PPP4R3B: variants seen among roughly 807,000 people sequenced by gnomAD.
PPP4R3B encodes protein phosphatase 4 regulatory subunit 3B, also known as serine/threonine-protein phosphatase 4 regulatory subunit 3B.
A neutral mutation model predicts 95.4 loss-of-function variants in PPP4R3B; 52 were observed. The ratio of observed to expected loss-of-function variants is 0.54; its 90% CI spans 0.44 to 0.69. The LOEUF is 0.69. PPP4R3B is among the 30% of genes least tolerant of loss of function. The probability of loss-of-function intolerance (pLI) is 0.00; values close to 1 mark genes in which losing one functional copy is unlikely to be tolerated. For missense variants in PPP4R3B, 1,003 were observed against 1,005.9 expected (o/e 1.00, Z 0.04); for synonymous variants, 407 against 343.9 (o/e 1.18, Z -2.03).
chr2:55,551,651 T>C (rs1685259534), intron 16 of PPP4R3B, among the ~76,000 whole-genome samples: 1 of 151,790 alleles, frequency 6.6e-6, no homozygotes, highest in Non-Finnish European at 1.5e-5. Flanking sequence ...CTTCAGAGGC[T>C]GAGGCAGGAG....
intron 5 of PPP4R3B, among the ~76,000 whole-genome samples, chr2:55,588,323 G>A (rs1244019998): frequency 2.0e-5 from 3 of 152,226 alleles, no homozygotes; most frequent in Non-Finnish European, 4.4e-5. Flanking sequence ...AGACCAGCCT[G>A]ACCAACATGG....
chr2:55,617,561 C>T lies in PPP4R3B; in HGVS notation c.-276G>A, dbSNP rs1210360848. 9 of 364,412 alleles carry T rather than the reference C, an allele frequency of 2.5e-5. No individual in the cohort carries two copies. The highest frequency in any genetic ancestry group is 8.7e-5 in the Admixed American group (2 of 23,086). The allele number at this position is 364,412 out of a possible 1,614,324, so 22.6% of individuals were successfully genotyped here. On this transcript the variant is annotated 5_prime_UTR_variant, in exon 1 of 17. Transcript: ENST00000616407. ...CCCCCAGGGCTCGCTTGCTCTCCCG[C>T]CGCCGCGGTAACTACTACAGATCCG...
intron 11 of PPP4R3B, among the ~76,000 whole-genome samples, chr2:55,576,864 C>T (rs1281536150): frequency 6.6e-6 from 1 of 152,126 alleles, no homozygotes; most frequent in African/African-American, 2.4e-5. Flanking sequence ...ATGAGGCTGG[C>T]AGAAAAGGTA....
At position 55,573,703 on chromosome 2, in the gene PPP4R3B, G is replaced by A. The variant is rs780436419; in HGVS notation, c.1681C>T (p.His561Tyr). ...LTFCVEHHTY[H>Y]IKNYIMNKDL... Reference sequence around the variant, plus strand: ...TTGTTCATAATATAGTTTTTTATGTGATATGTGTGATGTTCCACACAAAAT... The same window carrying A: ...TTGTTCATAATATAGTTTTTTATGTAATATGTGTGATGTTCCACACAAAAT... Residue 561 changes from histidine to tyrosine, a missense_variant, in exon 12 of 17, where the codon CAC becomes TAC. Around this residue, in one of 3 missense-constraint regions of PPP4R3B, gnomAD observed 695 missense variants for 686.2 expected, o/e 1.01. Transcript: ENST00000616407. 2.2e-4 allele frequency: 345 copies of A among 1,546,184 alleles called. No homozygotes were observed. Among genetic ancestry groups the A allele is most frequent in the Non-Finnish European group, 2.9e-4 (336 of 1,145,256 alleles).
chr2:55,583,596 G>A (rs1398420867), intron 7 of PPP4R3B, among the ~76,000 whole-genome samples: 3 of 152,136 alleles, frequency 2.0e-5, no homozygotes, highest in Non-Finnish European at 2.9e-5. Flanking sequence ...TGAAGATGGA[G>A]CAATGGGAGT....
intron 3 of PPP4R3B, among the ~76,000 whole-genome samples, chr2:55,599,263 C>T (rs1692225235): frequency 6.6e-6 from 1 of 151,800 alleles, no homozygotes; most frequent in African/African-American, 2.4e-5. Context: ...CATGGTGAAA[C>T]CCCAACTCCA....
At chr2:55,557,880 T>TA (rs1456552786) in intron 16 of PPP4R3B, among the ~76,000 whole-genome samples, 1 of 152,036 alleles carries the variant, frequency 6.6e-6, no homozygotes, top group Non-Finnish European at 1.5e-5. Context: ...AACTTGTTTA[T>TA]AAAAAAAGTA....
intron 8 of PPP4R3B, among the ~76,000 whole-genome samples, chr2:55,580,956 A>G (rs1272049302): frequency 6.6e-6 from 1 of 152,282 alleles, no homozygotes; most frequent in South Asian, 2.1e-4. Context: ...AAAACTTGCT[A>G]TTTAAAAATG....
At chr2:55,609,330 A>G (rs959444087) in intron 2 of PPP4R3B, among the ~76,000 whole-genome samples, 1 of 152,132 alleles carries the variant, frequency 6.6e-6, no homozygotes, top group Non-Finnish European at 1.5e-5. Flanking sequence ...TGATTCTTAA[A>G]TTAGAATCTC....
At chr2:55,614,619 G>C (rs2103922421) in intron 2 of PPP4R3B, 1 of 152,270 alleles carries the variant, frequency 6.6e-6, no homozygotes, top group Middle Eastern at 3.4e-3. Context: ...ATCAACTTCA[G>C]AATAGTGGTT....
intron 15 of PPP4R3B, 39 bp from the exon 16 acceptor site, chr2:55,559,007 T>C (rs1347965441): frequency 6.7e-7 from 1 of 1,494,406 alleles, no homozygotes; most frequent in Non-Finnish European, 9.1e-7. Context: ...TATCAATAAA[T>C]ACTGCTAAGT....
Position 55,561,248 on chromosome 2 carries a change from G to A in PPP4R3B, c.2261-2280C>T, listed in dbSNP as rs188527187. Among the ~76,000 whole-genome samples the A allele has an allele frequency of 5.9e-5, 9 of 152,340 alleles. No individual in the cohort carries two copies. In the South Asian group the frequency reaches 6.2e-4, roughly 11 times the overall value. The stretch of plus-strand genomic sequence containing the variant: ...CTGTGGGGTAGAGGCAAGAACTGAG[G>A]TTTGGTAACCTCTGATTCTCAAACC... On this transcript the variant is annotated intron_variant, in intron 15 of 16. Coordinates refer to ENST00000616407, the MANE Select transcript of PPP4R3B (RefSeq NM_001122964.3).
chr2:55,567,384 C>G (rs547478821), intron 13 of PPP4R3B, among the ~76,000 whole-genome samples: 1 of 152,154 alleles, frequency 6.6e-6, no homozygotes, highest in African/African-American at 2.4e-5. Flanking sequence ...GGATTCCATC[C>G]TACCTTTTAT....
At chr2:55,595,945 G>A (rs1047454258) in intron 4 of PPP4R3B, among the ~76,000 whole-genome samples, 6 of 152,078 alleles carry the variant, frequency 3.9e-5, no homozygotes, top group African/African-American at 1.2e-4. Flanking sequence ...GCTGAGTATA[G>A]GCTACTGTTA....
chr2:55,575,254 A>G, intron 11 of PPP4R3B, among the ~76,000 whole-genome samples: 1 of 151,680 alleles, frequency 6.6e-6, no homozygotes, highest in Non-Finnish European at 1.5e-5. Flanking sequence ...TACAACTTTT[A>G]AAATATCAAC....
intron 15 of PPP4R3B, among the ~76,000 whole-genome samples, chr2:55,561,907 G>T (rs572950276): frequency 6.6e-6 from 1 of 152,118 alleles, no homozygotes; most frequent in Non-Finnish European, 1.5e-5. Context: ...TGAGTTATGG[G>T]GGACTGTTGG....
chr2:55,594,501 C>T (rs889903789), intron 4 of PPP4R3B, among the ~76,000 whole-genome samples: 1 of 151,868 alleles, frequency 6.6e-6, no homozygotes, highest in African/African-American at 2.4e-5. Context: ...ACAAATAAAC[C>T]TATTATAAAA....
chr2:55,558,499 T>C (rs1686144685), intron 16 of PPP4R3B, among the ~76,000 whole-genome samples: 1 of 152,050 alleles, frequency 6.6e-6, no homozygotes, highest in African/African-American at 2.4e-5. Flanking sequence ...TCCCAGCTAC[T>C]TGGGAGACTG....
chr2:55,593,767 C>A (rs916609863), intron 4 of PPP4R3B, among the ~76,000 whole-genome samples: 1 of 152,102 alleles, frequency 6.6e-6, no homozygotes, highest in Non-Finnish European at 1.5e-5. Context: ...AGACCACTGG[C>A]CACAATCTTA....
Sources: gnomAD v4.1 joint callset for allele counts (sites outside exome capture counted in the v4.1 genomes callset) on GRCh38, gnomAD v4.1.1 for gene constraint, gnomAD v4.1.1 regional missense constraint, MANE v1.5 for transcripts, NCBI Gene and HGNC (gene_info 2026-07-23, HGNC 2026-07-21) for gene names.